Variants in SETD1B observed in about 807,000 individuals in gnomAD.
SETD1B encodes histone-lysine N-methyltransferase SETD1B.
In SETD1B, 7 loss-of-function variants were observed where a neutral mutation model predicts 148.0. The observed-to-expected ratio is 0.05, with a 90% CI of 0.03 to 0.09. The LOEUF (loss-of-function observed/expected upper bound fraction) is 0.09. Among genes scored for constraint, SETD1B ranks in the 10% least tolerant of loss-of-function variants. The pLI is 1.00. For missense variants in SETD1B, 2,155 were observed against 2,729.9 expected (o/e 0.79, Z 4.69); for synonymous variants, 1,361 against 1,186.5 (o/e 1.15, Z -3.02).
At position 121,805,353 on chromosome 12, in the gene SETD1B, G is replaced by C. The variant is rs1875679190; in HGVS notation, c.273+137G>C. On this transcript the variant is annotated intron_variant, in intron 3 of 16. Transcript: ENST00000604567. This position sits in a 1 kb window ranked among gnomAD's most constrained non-coding sequence, Gnocchi z 4.2. ...AGGGAAGTTTTGGCGGGGAGGGGTA[G>C]AGCGCTGGCGAGAGGGTGTCCCCTC... 2.9e-6 allele frequency: 2 copies of C among 689,206 alleles called. No individual in the cohort carries two copies. Among genetic ancestry groups the C allele is most frequent in the Admixed American group, 2.7e-5 (1 of 37,424 alleles). 42.7% of individuals were successfully genotyped at this position (689,206 alleles called of 1,614,324 possible).
chr12:121,806,487 C>T (rs1875747431), intron 4 of SETD1B, among the ~76,000 whole-genome samples: 1 of 152,138 alleles, frequency 6.6e-6, no homozygotes, highest in African/African-American at 2.4e-5. Context: ...GAGGAAGTGC[C>T]ACTAGGATGC....
Position 121,806,086 on chromosome 12 carries a change from C to T in SETD1B, c.525C>T (p.His175=). 3.9e-6 allele frequency: 6 copies of T among 1,551,614 alleles called. No individual in the cohort carries two copies. Among genetic ancestry groups the T allele is most frequent in the Non-Finnish European group, 5.2e-6 (6 of 1,146,968 alleles). Residue 175 remains histidine (H), a synonymous_variant, in exon 4 of 17, where the codon CAC becomes CAT. Coordinates refer to ENST00000604567, the MANE Select transcript of SETD1B (RefSeq NM_001353345.2). ...HSTSVMGNII[H]VELDTKGETR... ...CTTCCGTCATGGGCAACATTATCCACGTGGAGCTGGACACCAAAGGTGAGC... is the reference window on the plus strand; with the variant it reads ...CTTCCGTCATGGGCAACATTATCCATGTGGAGCTGGACACCAAAGGTGAGC...
At chr12:121,823,810 C>T (rs982508276) in intron 12 of SETD1B, 61 bp downstream of exon 12, 2 of 1,482,800 alleles carry the variant, frequency 1.3e-6, no homozygotes, top group African/African-American at 1.4e-5. Flanking sequence ...CTGCTCACCT[C>T]TCTGGGCCCC....
In SETD1B at chr12:121,827,791, C is replaced by T. The variant is rs777144386; in HGVS notation, c.5526C>T (p.Phe1842=). 3.5e-5 allele frequency: 54 copies of T among 1,556,426 alleles called. No homozygotes were observed. The highest frequency in any genetic ancestry group is 8.3e-5 in the South Asian group (7 of 84,414). ...CKSHIHDWGL[F]AMEPIAADEM... Reference sequence around the variant, plus strand: ...GCCACATTCACGACTGGGGCTTGTTCGCCATGGAGCCCATCGCGGCTGACG... The same window carrying T: ...GCCACATTCACGACTGGGGCTTGTTTGCCATGGAGCCCATCGCGGCTGACG... Residue 1842 remains phenylalanine, a synonymous_variant, in exon 15 of 17, where the codon TTC becomes TTT. Transcript: ENST00000604567.
Position 121,804,192 on chromosome 12 carries a change from GTAC to G in SETD1B, c.-54_-52del, listed in dbSNP as rs1293280746. The G allele has an allele frequency of 1.3e-5, 2 of 148,864 alleles. No individual in the cohort carries two copies. The highest frequency in any genetic ancestry group is 3.0e-5 in the Non-Finnish European group (2 of 66,434). The allele number at this position is 148,864 out of a possible 1,614,324, so 9.2% of individuals were successfully genotyped here. A position where few individuals can be genotyped will look rare whatever the true frequency, so the allele number is the denominator to read the frequency against. On this transcript the variant is annotated 5_prime_UTR_variant, in exon 1 of 17. Transcript: ENST00000604567. The surrounding 1 kb of genome is among the most constrained non-coding windows in gnomAD (Gnocchi z 4.6). The stretch of plus-strand genomic sequence containing the variant: ...CCTCGGCTCCCTCGGGGGACACCAT[GTAC>G]TGGCTGGCGGCGCAGGGAGGCCGGC...
At position 121,819,808 on chromosome 12, in the gene SETD1B, A is replaced by C. The variant is rs1347018113; in HGVS notation, c.3823A>C (p.Ser1275Arg). 1.3e-6 allele frequency: 2 copies of C among 1,551,450 alleles called. No homozygotes were observed. Among genetic ancestry groups the C allele is most frequent in the African/African-American group, 2.7e-5 (2 of 73,008 alleles). The change falls in exon 11 of 17, where the codon AGC becomes CGC. Residue 1275 changes from serine (S) to arginine (R), a missense_variant. This residue lies in a region of SETD1B where 862 missense variants were observed against 873.8 expected (regional missense o/e 0.99). Transcript: ENST00000604567. The part of the protein sequence containing the change: ...SREPPEEPGL[S>R]QEGAMLLSPE... ...GGAGCCGCCTGAGGAACCAGGCCTG[A>C]GCCAGGAAGGGGCCATGTTGCTGTC...
chr12:121,819,667 T>C lies in SETD1B; in HGVS notation c.3682T>C (p.Leu1228=). ...CCCGGGGGCACCTGCAGTGGACTCG[T>C]TGGGCATGGAAGAGGAGGTGGACAT... is the stretch of plus-strand genomic sequence containing the variant. ...LAPGAPAVDS[L]GMEEEVDIET... Residue 1228 remains leucine, a synonymous_variant, in exon 11 of 17, where the codon TTG becomes CTG. Coordinates refer to ENST00000604567, the MANE Select transcript of SETD1B (RefSeq NM_001353345.2). The C allele has an allele frequency of 1.3e-6, 2 of 1,551,092 alleles. No individual in the cohort carries two copies. The highest frequency in any genetic ancestry group is 8.7e-7 in the Non-Finnish European group (1 of 1,146,908).
In SETD1B at chr12:121,809,669, T is replaced by A; in HGVS notation, c.724T>A (p.Ser242Thr). 6.4e-7 allele frequency: 1 copy of A among 1,551,680 alleles called. No homozygotes were observed. Among genetic ancestry groups the A allele is most frequent in the Non-Finnish European group, 8.7e-7 (1 of 1,147,002 alleles). The change falls in exon 6 of 17, where the codon TCT (serine) becomes ACT (threonine). Residue 242 changes from serine to threonine, a missense_variant. Ser to Thr is a moderately conservative substitution (Grantham distance 58). Around this residue, in one of 11 missense-constraint regions of SETD1B, gnomAD observed 376 missense variants for 385.0 expected, o/e 0.98. Transcript: ENST00000604567. ...LSAGCGSGSS[S>T]VTPNSGGTPF... ...TGCAGGCTGTGGCTCCGGCTCCTCC[T>A]CTGTCACCCCCAATAGCGGTGGGAC...
At chr12:121,829,995 T>C (rs1877016789) in intron 16 of SETD1B, 71 bp from the exon 17 acceptor site, 1 of 1,443,652 alleles carries the variant, frequency 6.9e-7, no homozygotes, top group Non-Finnish European at 9.4e-7. Context: ...CCTGGTTGGG[T>C]TTGGGGGGTC....
chr12:121,827,749 G>A lies in SETD1B; in HGVS notation c.5484G>A (p.Lys1828=). The change falls in exon 15 of 17, where the codon AAG becomes AAA. Residue 1828 remains lysine (K), a synonymous_variant. Transcript: ENST00000604567. The stretch of plus-strand genomic sequence containing the variant: ...CCCTCCCACAGTTCCGGAAGAAAAA[G>A]CTCAAGTTCTGCAAGAGCCACATTC... ...KFNQLKFRKK[K]LKFCKSHIHD... is the part of the protein sequence containing the mutation. The A allele has an allele frequency of 6.4e-7, 1 of 1,552,064 alleles. No individual in the cohort carries two copies. Among genetic ancestry groups the A allele is most frequent in the Non-Finnish European group, 8.7e-7 (1 of 1,147,120 alleles).
In SETD1B at chr12:121,823,001, C is replaced by T. The variant is rs1181213539; in HGVS notation, c.4422C>T (p.Leu1474=). 2.0e-6 allele frequency: 3 copies of T among 1,526,774 alleles called. No individual in the cohort carries two copies. Among genetic ancestry groups the T allele is most frequent in the South Asian group, 2.4e-5 (2 of 82,184 alleles). 94.6% of individuals were successfully genotyped at this position (1,526,774 alleles called of 1,614,324 possible). A position where few individuals can be genotyped will look rare whatever the true frequency, so the allele number is the denominator to read the frequency against. ...SPVLLETGLP[L]PLPLPLPLPL... is the part of the protein sequence containing the mutation. Reference sequence around the variant, plus strand: ...TGCTCCTGGAGACGGGCCTGCCCCTCCCTCTGCCCCTTCCCCTGCCCTTGC... The same window carrying T: ...TGCTCCTGGAGACGGGCCTGCCCCTTCCTCTGCCCCTTCCCCTGCCCTTGC... Residue 1474 remains leucine, a synonymous_variant, in exon 12 of 17, where the codon CTC becomes CTT. Transcript: ENST00000604567.
Position 121,814,205 on chromosome 12 carries a change from C to A in SETD1B, c.1990C>A (p.Pro664Thr). ...CTGCCCCAAGCCCATGGTGGTGACCCCAGGAGCGGCAGCCGTGGCAGCCCC... is the reference window on the plus strand; with the variant it reads ...CTGCCCCAAGCCCATGGTGGTGACCACAGGAGCGGCAGCCGTGGCAGCCCC... ...ADCPKPMVVT[P>T]GAAAVAAPSV... is the part of the protein sequence containing the mutation. Residue 664 changes from proline (P) to threonine (T), a missense_variant, in exon 7 of 17, where the codon CCA becomes ACA. This residue lies in a region of SETD1B where 295 missense variants were observed against 303.8 expected (regional missense o/e 0.97). Transcript: ENST00000604567. The A allele has an allele frequency of 6.5e-7, 1 of 1,543,312 alleles. No individual in the cohort carries two copies. Among genetic ancestry groups the A allele is most frequent in the Non-Finnish European group, 8.7e-7 (1 of 1,145,984 alleles).
intron 6 of SETD1B, among the ~76,000 whole-genome samples, chr12:121,813,632 C>T (rs537024694): frequency 2.0e-5 from 3 of 152,340 alleles, no homozygotes; most frequent in African/African-American, 4.8e-5. Context: ...ATAAGAGACA[C>T]TATGGAAGTG....
intron 11 of SETD1B, among the ~76,000 whole-genome samples, chr12:121,821,179 A>G (rs768673249): frequency 8.5e-5 from 13 of 152,328 alleles, no homozygotes; most frequent in African/African-American, 1.9e-4. Flanking sequence ...CTAAGCCTCT[A>G]TTGTGTCCCT....
At position 121,804,706 on chromosome 12, in the gene SETD1B, C is replaced by T. The variant is rs1875631584; in HGVS notation, c.-14-18C>T. The stretch of plus-strand genomic sequence containing the variant: ...GCCGCCGCCGCGGCGGAGACGACAA[C>T]AACTTGCTGGTTTTCAGGTTGGGTT... On this transcript the variant is annotated intron_variant, in intron 1 of 16. Coordinates refer to ENST00000604567, the MANE Select transcript of SETD1B (RefSeq NM_001353345.2). This position sits in a 1 kb window ranked among gnomAD's most constrained non-coding sequence, Gnocchi z 4.6. 1.9e-6 allele frequency: 3 copies of T among 1,545,252 alleles called. No individual in the cohort carries two copies. Among genetic ancestry groups the T allele is most frequent in the Non-Finnish European group, 2.6e-6 (3 of 1,145,450 alleles).
At chr12:121,800,774 A>AGGCCCACGGCCCCCGAAAC (rs1875306930), upstream of SETD1B, 1 of 148,678 alleles carries the variant, frequency 6.7e-6, no homozygotes, top group Non-Finnish European at 1.5e-5. Flanking sequence ...GACGCCCCCG[A>AGGCCCACGGCCCCCGAAAC]GGCCCACGGC....
chr12:121,792,724 G>T, the SETD1B span, among the ~76,000 whole-genome samples: 1 of 152,218 alleles, frequency 6.6e-6, no homozygotes, highest in Admixed American at 6.5e-5. Context: ...CTGCAGCCGG[G>T]AGCATCCCAG....
At chr12:121,822,033 A>T (rs1876587487) in intron 11 of SETD1B, among the ~76,000 whole-genome samples, 1 of 152,226 alleles carries the variant, frequency 6.6e-6, no homozygotes. Flanking sequence ...AGTGACCGTG[A>T]TCATGCCACT....
chr12:121,809,423 T>G (rs1441020011), intron 5 of SETD1B, among the ~76,000 whole-genome samples, 180 bp from the exon 6 acceptor site: 1 of 152,156 alleles, frequency 6.6e-6, no homozygotes, highest in Non-Finnish European at 1.5e-5. Flanking sequence ...CCCCTAAGAT[T>G]AGAGAAAAAG....
Sources: allele counts gnomAD v4.1 joint callset (sites outside exome capture counted in the v4.1 genomes callset), GRCh38; gene constraint gnomAD v4.1.1; regional missense constraint gnomAD v4.1.1; non-coding constraint Gnocchi (gnomAD v3.1); transcripts MANE v1.5; gene names NCBI Gene and HGNC (gene_info 2026-07-23, HGNC 2026-07-21).